Variants in MPP7 observed in about 807,000 individuals in gnomAD.
MPP7 encodes MAGUK p55 scaffold protein 7.
A neutral mutation model predicts 76.5 loss-of-function variants in MPP7; 60 were observed. The ratio of observed to expected loss-of-function variants is 0.78; its 90% CI spans 0.64 to 0.97. The LOEUF (loss-of-function observed/expected upper bound fraction) is 0.97. MPP7 is among the 50% of genes least tolerant of loss of function. The pLI, the probability that MPP7 is intolerant of heterozygous loss-of-function variation, is 0.00. For missense variants in MPP7, 641 were observed against 694.0 expected (o/e 0.92, Z 0.86); for synonymous variants, 237 against 244.5 (o/e 0.97, Z 0.29).
At position 28,302,912 on chromosome 10, in the gene MPP7, C is replaced by T. The variant is rs1291855181; in HGVS notation, c.-183G>A. 6.6e-6 allele frequency among the ~76,000 whole-genome samples: 1 copy of T among 152,152 alleles called. No homozygotes were observed. The highest frequency in any genetic ancestry group is 1.5e-5 in the Non-Finnish European group (1 of 67,994). On this transcript the variant is annotated 5_prime_UTR_variant, in exon 1 of 17. Transcript: ENST00000683449. Reference sequence around the variant, plus strand: ...GCAGGAGGCGCACTCGCTCTGGCCCCTGCAGCCCCGGGCCCGGAGGCAAGG... The same window carrying T: ...GCAGGAGGCGCACTCGCTCTGGCCCTTGCAGCCCCGGGCCCGGAGGCAAGG...
At chr10:28,213,809 AAG>A (rs1211589640) in intron 2 of MPP7, among the ~76,000 whole-genome samples, 20 of 136,480 alleles carry the variant, frequency 1.5e-4, no homozygotes, top group South Asian at 2.3e-4. Flanking sequence ...AAAAAAAAAA[AAG>A]AGAGAGAGAG....
intron 3 of MPP7, among the ~76,000 whole-genome samples, chr10:28,176,340 A>AAAAACAAAACAAAACAAAAC (rs57735759): frequency 2.6e-5 from 4 of 151,022 alleles, no homozygotes; most frequent in African/African-American, 9.8e-5. Context: ...CAGTTGGGTC[A>AAAAACAAAACAAAACAAAAC]AAAACAAAAC....
rs760229746 is a variant in MPP7, at chr10:28,089,735, T to C, written c.1059A>G (p.Thr353=). The change falls in exon 12 of 17, where the codon ACA becomes ACG. Residue 353 remains threonine, a synonymous_variant. Transcript: ENST00000683449. The part of the protein sequence containing the change: ...SDQYDTADVP[T]YEEVTPYRRQ... ...GCCGATACGGTGTCACTTCTTCGTATGTGGGTACGTCAGCTGTGTCGTACT... is the reference window on the plus strand; with the variant it reads ...GCCGATACGGTGTCACTTCTTCGTACGTGGGTACGTCAGCTGTGTCGTACT... 6.2e-7 allele frequency: 1 copy of C among 1,614,022 alleles called. No homozygotes were observed. The highest frequency in any genetic ancestry group is 8.5e-7 in the Non-Finnish European group (1 of 1,179,924).
In MPP7 at chr10:28,063,839, C is replaced by T. The variant is rs149920112; in HGVS notation, c.1205-4096G>A. Among the ~76,000 whole-genome samples the T allele has an allele frequency of 2.4e-4, 36 of 152,168 alleles. No individual in the cohort carries two copies. In the South Asian group the frequency reaches 3.3e-3, roughly 14 times the overall value. Reference sequence around the variant, plus strand: ...CCCTGATGCCAAAAAGTTTGGGGACCGCTGCATAAAATTATGCTAGTCATT... The same window carrying T: ...CCCTGATGCCAAAAAGTTTGGGGACTGCTGCATAAAATTATGCTAGTCATT... On this transcript the variant is annotated intron_variant, in intron 13 of 16. Coordinates refer to ENST00000683449, the MANE Select transcript of MPP7 (RefSeq NM_001318170.2).
At chr10:28,073,673 G>C (rs975881075) in intron 12 of MPP7, among the ~76,000 whole-genome samples, 2 of 152,090 alleles carry the variant, frequency 1.3e-5, no homozygotes, top group South Asian at 4.2e-4. Context: ...GGGAGGCTGA[G>C]GCAAGAGAAT....
intron 11 of MPP7, among the ~76,000 whole-genome samples, chr10:28,097,171 A>G (rs1853610095): frequency 6.6e-6 from 1 of 151,982 alleles, no homozygotes; most frequent in Non-Finnish European, 1.5e-5. Flanking sequence ...CAAAAACTGT[A>G]TTTTGTAGAG....
chr10:28,092,855 T>C (rs1016231446), intron 11 of MPP7, among the ~76,000 whole-genome samples: 5 of 150,032 alleles, frequency 3.3e-5, no homozygotes, highest in Admixed American at 2.7e-4. Flanking sequence ...GCTGGGATTA[T>C]AGGCATGAGA....
At chr10:28,313,427 A>G (rs960968014) in intron 2 of MPP7, among the ~76,000 whole-genome samples, 1 of 152,086 alleles carries the variant, frequency 6.6e-6, no homozygotes, top group Non-Finnish European at 1.5e-5. Context: ...AATCTCTTGA[A>G]CCTGGGAGGC....
chr10:28,297,295 G>C (rs1275315224), intron 1 of MPP7, among the ~76,000 whole-genome samples: 1 of 152,170 alleles, frequency 6.6e-6, no homozygotes, highest in Non-Finnish European at 1.5e-5. Flanking sequence ...AGCCTTCAGG[G>C]AGTCATAATC....
intron 11 of MPP7, among the ~76,000 whole-genome samples, chr10:28,110,645 T>C (rs1834477860): frequency 6.6e-6 from 1 of 152,198 alleles, no homozygotes; most frequent in Non-Finnish European, 1.5e-5. Context: ...AATGTGCTAG[T>C]ATTTTTAAGT....
intron 2 of MPP7, among the ~76,000 whole-genome samples, chr10:28,222,050 A>G (rs1226760089): frequency 3.9e-5 from 6 of 152,174 alleles, no homozygotes; most frequent in Non-Finnish European, 7.3e-5. Flanking sequence ...AAAAAAGTTC[A>G]TATTCACAAA....
At chr10:28,208,046 G>C (rs1469457439) in intron 2 of MPP7, among the ~76,000 whole-genome samples, 3 of 152,144 alleles carry the variant, frequency 2.0e-5, no homozygotes, top group Non-Finnish European at 2.9e-5. Flanking sequence ...TAAAGTCAGA[G>C]AGAACTCTAA....
chr10:28,301,013 G>A (rs10826445), intron 1 of MPP7, among the ~76,000 whole-genome samples: 14,116 of 151,430 alleles, frequency 0.093, 1,306 homozygotes, highest in East Asian at 0.48. Context: ...CTGATAACTA[G>A]TAAATTTAAC....
chr10:28,283,716 T>C lies in MPP7; in HGVS notation c.-132+19145A>G, dbSNP rs541653060. On this transcript the variant is annotated intron_variant, in intron 1 of 16. Coordinates refer to ENST00000683449, the MANE Select transcript of MPP7 (RefSeq NM_001318170.2). ...TTTTAGTAGAGACGAGGTTTCTCCA[T>C]GTTGGCCAGGCTGGTCTCAAACTCC... Among the ~76,000 whole-genome samples the C allele has an allele frequency of 7.2e-5, 11 of 152,176 alleles. No individual in the cohort carries two copies. The South Asian group carries it at 1.9e-3, about 26-fold the overall frequency.
intron 3 of MPP7, among the ~76,000 whole-genome samples, chr10:28,181,836 AG>A (rs1200639583): frequency 6.6e-6 from 1 of 152,256 alleles, no homozygotes; most frequent in East Asian, 1.9e-4. Flanking sequence ...CAGTTCAAAC[AG>A]TCCCAGAGGA....
At chr10:28,118,187 C>T (rs1466659253) in intron 11 of MPP7, 2 of 985,118 alleles carry the variant, frequency 2.0e-6, no homozygotes, top group Non-Finnish European at 2.4e-6. Context: ...CAAACAAACA[C>T]ACATACCCCC....
intron 3 of MPP7, among the ~76,000 whole-genome samples, chr10:28,195,992 G>T (rs151090019): frequency 6.6e-6 from 1 of 152,222 alleles, no homozygotes; most frequent in East Asian, 1.9e-4. Context: ...CCTTCTAAAC[G>T]TTGATGACTC....
intron 3 of MPP7, 138 bp downstream of exon 3, chr10:28,202,015 T>G: frequency 1.5e-6 from 1 of 665,538 alleles, no homozygotes; most frequent in East Asian, 2.6e-5. Flanking sequence ...CTTTAACAAC[T>G]TCCACGCCCG....
intron 1 of MPP7, among the ~76,000 whole-genome samples, chr10:28,272,510 G>T (rs1397925058): frequency 6.6e-6 from 1 of 152,128 alleles, no homozygotes; most frequent in Non-Finnish European, 1.5e-5. Context: ...ATAATGAAAA[G>T]AAGTGCTTTT....
Sources: gnomAD v4.1 joint callset for allele counts (sites outside exome capture counted in the v4.1 genomes callset) on GRCh38, gnomAD v4.1.1 for gene constraint, MANE v1.5 for transcripts, NCBI Gene and HGNC (gene_info 2026-07-23, HGNC 2026-07-21) for gene names.